ACCSL: variants seen among roughly 807,000 people sequenced by gnomAD.
ACCSL encodes probable inactive 1-aminocyclopropane-1-carboxylate synthase-like protein 2.
Under a neutral mutation model 61.7 loss-of-function variants are expected in ACCSL, and 55 were observed. The ratio of observed to expected loss-of-function variants is 0.89; its 90% CI spans 0.72 to 1.12. The LOEUF (loss-of-function observed/expected upper bound fraction) is 1.12, where lower values mean the gene tolerates loss of function less well. Among genes scored for constraint, ACCSL ranks in the 50% most tolerant of loss-of-function variants. The pLI, the probability that ACCSL is intolerant of heterozygous loss-of-function variation, is 0.00. For missense variants in ACCSL, 632 were observed against 698.0 expected, an observed-to-expected ratio of 0.91 and a Z score of 1.07; for synonymous variants, 258 against 264.3, an observed-to-expected ratio of 0.98 and a Z score of 0.23.
chr11:44,020,147 T>A, the ACCSL span, among the ~76,000 whole-genome samples: 1 of 152,268 alleles, frequency 6.6e-6, no homozygotes, highest in Admixed American at 6.5e-5. Context: ...TGGTCTTGAT[T>A]ACTGTTGCTT....
chr11:44,042,640 TG>T, the ACCSL span, among the ~76,000 whole-genome samples: 77 of 119,704 alleles, frequency 6.4e-4, no homozygotes, highest in Admixed American at 1.5e-3. Context: ...TTTTTTTGTT[TG>T]TTTTGTTTGT....
the ACCSL span, among the ~76,000 whole-genome samples, chr11:44,028,569 T>A: frequency 1.3e-5 from 2 of 152,232 alleles, no homozygotes; most frequent in African/African-American, 4.8e-5. Flanking sequence ...TCCATGGGTC[T>A]GCCAGCATCC....
intron 11 of ACCSL, 74 bp from the exon 12 acceptor site, chr11:44,058,243 G>A: frequency 6.6e-7 from 1 of 1,511,322 alleles, no homozygotes; most frequent in Non-Finnish European, 9.1e-7. Flanking sequence ...CCCAGGAAGG[G>A]AGCATTTGGG....
the ACCSL span, among the ~76,000 whole-genome samples, chr11:44,003,656 A>G: frequency 6.6e-6 from 1 of 151,730 alleles, no homozygotes; most frequent in Non-Finnish European, 1.5e-5. Context: ...AAAAAAAAAA[A>G]TGCATTAATT....
At chr11:44,050,682 G>A (rs1205008107) in intron 3 of ACCSL, 60 bp downstream of exon 3, 6 of 1,547,856 alleles carry the variant, frequency 3.9e-6, no homozygotes, top group Non-Finnish European at 4.4e-6. Flanking sequence ...TTATCCAGAA[G>A]GAGGATTCAA....
chr11:44,010,268 A>T, the ACCSL span, among the ~76,000 whole-genome samples: 1 of 152,118 alleles, frequency 6.6e-6, no homozygotes, highest in Non-Finnish European at 1.5e-5. Flanking sequence ...TGAATCTGGG[A>T]GGCGGAGGTT....
chr11:44,009,472 A>G, the ACCSL span, among the ~76,000 whole-genome samples: 1 of 152,158 alleles, frequency 6.6e-6, no homozygotes, highest in Non-Finnish European at 1.5e-5. Flanking sequence ...GCTGCATATA[A>G]AAAGTGCTCA....
At chr11:44,032,540 C>T in the ACCSL span, among the ~76,000 whole-genome samples, 12 of 152,140 alleles carry the variant, frequency 7.9e-5, no homozygotes, top group Admixed American at 5.9e-4. Context: ...TGCCTCAATG[C>T]GCCCAATAAC....
the ACCSL span, among the ~76,000 whole-genome samples, chr11:44,014,155 A>T: frequency 6.6e-6 from 1 of 152,210 alleles, no homozygotes; most frequent in Admixed American, 6.5e-5. Context: ...CCCACACCGC[A>T]TCTTACATCT....
At chr11:43,956,708 T>C in the ACCSL span, among the ~76,000 whole-genome samples, 86,154 of 152,068 alleles carry the variant, frequency 0.57, 25,396 homozygotes, top group African/African-American at 0.72. Context: ...TGTGAGCCAC[T>C]GCACCCAGCC....
chr11:43,989,348 G>A, the ACCSL span, among the ~76,000 whole-genome samples: 4 of 152,210 alleles, frequency 2.6e-5, no homozygotes, highest in Non-Finnish European at 5.9e-5. Context: ...GCAGACAGTC[G>A]GAGCCCTCCA....
the ACCSL span, among the ~76,000 whole-genome samples, chr11:44,026,929 T>C: frequency 6.6e-6 from 1 of 152,206 alleles, no homozygotes; most frequent in Middle Eastern, 3.2e-3. Flanking sequence ...GGTTTCTCCA[T>C]GTTGGTCAGG....
chr11:43,932,102 C>G, the ACCSL span, among the ~76,000 whole-genome samples: 6 of 152,168 alleles, frequency 3.9e-5, no homozygotes, highest in Non-Finnish European at 7.3e-5. Flanking sequence ...CATTGCGACC[C>G]TAATTCTTGG....
the ACCSL span, chr11:43,942,465 G>C: frequency 9.3e-6 from 2 of 214,222 alleles, no homozygotes; most frequent in South Asian, 8.8e-5. Context: ...GCCGGTTGGC[G>C]GGGGGCGGGC....
chr11:43,999,574 G>A, the ACCSL span, among the ~76,000 whole-genome samples: 7 of 152,232 alleles, frequency 4.6e-5, no homozygotes, highest in Middle Eastern at 3.4e-3. Context: ...ATGACACTCC[G>A]GCAAAGCTAG....
At chr11:44,014,483 C>CAGAGAG in the ACCSL span, among the ~76,000 whole-genome samples, 296 of 129,000 alleles carry the variant, frequency 2.3e-3, 1 homozygote, top group Middle Eastern at 7.8e-3. Flanking sequence ...GAGAGATAGC[C>CAGAGAG]AGAGAGAGAG....
chr11:44,041,589 C>T, the ACCSL span, among the ~76,000 whole-genome samples: 1 of 152,182 alleles, frequency 6.6e-6, no homozygotes, highest in Non-Finnish European at 1.5e-5. Context: ...GGCCCCTATT[C>T]TACAACTATG....
At chr11:44,008,853 T>C in the ACCSL span, among the ~76,000 whole-genome samples, 3 of 152,172 alleles carry the variant, frequency 2.0e-5, no homozygotes, top group Non-Finnish European at 4.4e-5. Context: ...TTAAACCCTG[T>C]TTACAGATAA....
the ACCSL span, among the ~76,000 whole-genome samples, chr11:44,011,887 A>C: frequency 6.6e-6 from 1 of 152,184 alleles, no homozygotes; most frequent in Non-Finnish European, 1.5e-5. Context: ...TACCTATCAA[A>C]ATACAAATAC....
Sources: gnomAD v4.1 joint callset for allele counts (sites outside exome capture counted in the v4.1 genomes callset) on GRCh38, gnomAD v4.1.1 for gene constraint, MANE v1.5 for transcripts, NCBI Gene and HGNC (gene_info 2026-07-23, HGNC 2026-07-21) for gene names.